PDE4B: variants seen among roughly 807,000 people sequenced by gnomAD.
PDE4B encodes phosphodiesterase 4B.
Under a neutral mutation model 82.2 loss-of-function variants are expected in PDE4B, and 20 were observed. The observed-to-expected ratio is 0.24, with a 90% CI of 0.17 to 0.35. The LOEUF (loss-of-function observed/expected upper bound fraction) is 0.35, where lower values mean the gene tolerates loss of function less well. Ranked by LOEUF, PDE4B falls within the 10% of genes least tolerant of loss-of-function variation. The pLI, the probability that PDE4B is intolerant of heterozygous loss-of-function variation, is 1.00. For missense variants in PDE4B, 655 were observed against 907.2 expected (o/e 0.72, Z 3.57); for synonymous variants, 320 against 318.9 (o/e 1.00, Z -0.04).
intron 7 of PDE4B, among the ~76,000 whole-genome samples, chr1:66,311,622 G>A (rs1557693945): frequency 1.3e-5 from 2 of 152,230 alleles, no homozygotes; most frequent in Non-Finnish European, 2.9e-5. Flanking sequence ...CTACCTCTCC[G>A]AGTGCCCAGC....
chr1:65,913,456 C>T (rs1647120194), intron 2 of PDE4B, 100 bp downstream of exon 2: 2 of 1,105,606 alleles, frequency 1.8e-6, no homozygotes, highest in Admixed American at 3.5e-5. Context: ...ACACACCACT[C>T]TGTGACTAGG....
Position 65,918,632 on chromosome 1 carries a change from A to T in PDE4B, c.78A>T (p.Lys26Asn). 1 of 1,612,164 alleles carries T rather than the reference A, an allele frequency of 6.2e-7. No individual in the cohort carries two copies. The highest frequency in any genetic ancestry group is 1.1e-5 in the South Asian group (1 of 91,044). Residue 26 changes from lysine to asparagine, a missense_variant, in exon 3 of 17, where the codon AAA becomes AAT. Physicochemically the swap from Lys to Asn is moderately conservative, Grantham distance 94. Around this residue, in one of 3 missense-constraint regions of PDE4B, gnomAD observed 253 missense variants for 275.6 expected, o/e 0.92. Coordinates refer to ENST00000341517, the MANE Select transcript of PDE4B (RefSeq NM_002600.4). ...VKDYFECSLSKSYSSSSNTLG... is the reference protein window; with the variant it reads ...VKDYFECSLSNSYSSSSNTLG... The stretch of plus-strand genomic sequence containing the variant: ...ATTATTTTGAATGTAGCTTGAGTAA[A>T]TCCTACAGTTCTTCCAGTAACACAC...
intron 8 of PDE4B, among the ~76,000 whole-genome samples, chr1:66,340,107 A>C (rs1261071866): frequency 6.6e-6 from 1 of 152,218 alleles, no homozygotes; most frequent in Non-Finnish European, 1.5e-5. Flanking sequence ...GCATGGTGCC[A>C]GTTGTCAATA....
chr1:66,020,862 C>T (rs2100766507), intron 3 of PDE4B, among the ~76,000 whole-genome samples: 1 of 152,308 alleles, frequency 6.6e-6, no homozygotes, highest in East Asian at 1.9e-4. Flanking sequence ...AATGGTATTT[C>T]TAGTTCTAGA....
intron 7 of PDE4B, among the ~76,000 whole-genome samples, chr1:66,313,620 C>T (rs1478375202): frequency 6.6e-6 from 1 of 152,222 alleles, no homozygotes; most frequent in Non-Finnish European, 1.5e-5. Flanking sequence ...CTGCATTAAG[C>T]TTGCACCCTG....
chr1:65,960,310 A>G (rs1197458439), intron 3 of PDE4B, among the ~76,000 whole-genome samples: 1 of 152,104 alleles, frequency 6.6e-6, no homozygotes, highest in Non-Finnish European at 1.5e-5. Flanking sequence ...AGCAAGAATG[A>G]TAGGTCACCA....
intron 3 of PDE4B, among the ~76,000 whole-genome samples, chr1:66,080,350 G>C (rs1234136903): frequency 2.6e-5 from 4 of 152,038 alleles, no homozygotes; most frequent in Non-Finnish European, 5.9e-5. Context: ...AAGATGCGTT[G>C]ACAAAACCAG....
At chr1:66,024,691 A>AT (rs939618396) in intron 3 of PDE4B, among the ~76,000 whole-genome samples, 163 of 152,142 alleles carry the variant, frequency 1.1e-3, no homozygotes, top group African/African-American at 3.8e-3. Context: ...TTCTTAATAC[A>AT]TTTTTTTGGA....
At chr1:65,945,396 T>G (rs1332247481) in intron 3 of PDE4B, among the ~76,000 whole-genome samples, 1 of 151,846 alleles carries the variant, frequency 6.6e-6, no homozygotes, top group Non-Finnish European at 1.5e-5. Flanking sequence ...ATGCTTTGAG[T>G]TTTTGGATAG....
intron 8 of PDE4B, among the ~76,000 whole-genome samples, chr1:66,337,939 G>C (rs187176247): frequency 6.6e-6 from 1 of 152,092 alleles, no homozygotes; most frequent in South Asian, 2.1e-4. Flanking sequence ...CTTTACTTAG[G>C]TATAGTAATA....
At chr1:66,121,857 T>G (rs756074532) in intron 3 of PDE4B, among the ~76,000 whole-genome samples, 1 of 152,214 alleles carries the variant, frequency 6.6e-6, no homozygotes, top group Non-Finnish European at 1.5e-5. Context: ...TTTGTCATTT[T>G]GAAACTTGAG....
chr1:66,107,095 A>G (rs1437736204), intron 3 of PDE4B, among the ~76,000 whole-genome samples: 2 of 146,864 alleles, frequency 1.4e-5, no homozygotes, highest in Non-Finnish European at 3.0e-5. Context: ...ATTTTCCTCT[A>G]CACACGGCTT....
At chr1:66,234,443 T>C (rs1652239865) in intron 3 of PDE4B, among the ~76,000 whole-genome samples, 1 of 151,996 alleles carries the variant, frequency 6.6e-6, no homozygotes, top group African/African-American at 2.4e-5. Flanking sequence ...TGCATGCCAC[T>C]ATATCTAGCT....
At chr1:66,081,094 C>A (rs989100309) in intron 3 of PDE4B, among the ~76,000 whole-genome samples, 2 of 152,168 alleles carry the variant, frequency 1.3e-5, no homozygotes, top group Non-Finnish European at 2.9e-5. Flanking sequence ...GACTTACTCA[C>A]GGCTACTGCA....
At chr1:66,239,322 C>A (rs897696167) in intron 3 of PDE4B, among the ~76,000 whole-genome samples, 9 of 152,076 alleles carry the variant, frequency 5.9e-5, no homozygotes, top group Non-Finnish European at 1.0e-4. Context: ...CCCTCCCTGG[C>A]CCTTTATAAT....
chr1:65,857,686 A>AT (rs201812862), intron 1 of PDE4B, among the ~76,000 whole-genome samples: 8 of 151,886 alleles, frequency 5.3e-5, no homozygotes, highest in South Asian at 2.1e-4. Flanking sequence ...CCTTGAATGT[A>AT]TTTTTTTTCC....
chr1:66,002,172 G>A (rs913225455), intron 3 of PDE4B, among the ~76,000 whole-genome samples: 7 of 151,644 alleles, frequency 4.6e-5, no homozygotes, highest in African/African-American at 7.3e-5. Flanking sequence ...TTAAATTTTC[G>A]TCATTCTAAC....
intron 1 of PDE4B, among the ~76,000 whole-genome samples, chr1:65,889,517 AT>A (rs1427849373): frequency 6.6e-6 from 1 of 151,980 alleles, no homozygotes; most frequent in East Asian, 1.9e-4. Context: ...TGCTAAAAAA[AT>A]AAATAAAATG....
chr1:66,242,616 C>A lies in PDE4B; in HGVS notation c.282-4844C>A, dbSNP rs114239576. Reference sequence around the variant, plus strand: ...CAAGTAATTGGGGATCAGGAAACAACCACCCTGGGGACAATTGCAGGCAAT... The same window carrying A: ...CAAGTAATTGGGGATCAGGAAACAAACACCCTGGGGACAATTGCAGGCAAT... On this transcript the variant is annotated intron_variant, in intron 3 of 16. Coordinates refer to ENST00000341517, the MANE Select transcript of PDE4B (RefSeq NM_002600.4). 5.1e-3 allele frequency among the ~76,000 whole-genome samples: 784 copies of A among 152,286 alleles called. 5 individuals carry two copies. Among genetic ancestry groups the A allele is most frequent in the African/African-American group, 0.017 (719 of 41,556 alleles).
Sources: allele counts gnomAD v4.1 joint callset (sites outside exome capture counted in the v4.1 genomes callset), GRCh38; gene constraint gnomAD v4.1.1; regional missense constraint gnomAD v4.1.1; transcripts MANE v1.5; gene names NCBI Gene and HGNC (gene_info 2026-07-23, HGNC 2026-07-21).